Variants in NOS2 observed in about 807,000 individuals in gnomAD.
NOS2 encodes nitric oxide synthase 2, also known as nitric oxide synthase, inducible.
Under a neutral mutation model 136.0 loss-of-function variants are expected in NOS2, and 96 were observed. The ratio of observed to expected loss-of-function variants is 0.71; its 90% CI spans 0.60 to 0.84. The LOEUF is 0.84. Ranked by LOEUF, NOS2 falls within the 40% of genes least tolerant of loss-of-function variation. The probability of loss-of-function intolerance (pLI) is 0.00; values close to 1 mark genes in which losing one functional copy is unlikely to be tolerated. For missense variants in NOS2, 1,237 were observed against 1,496.9 expected (o/e 0.83, Z 2.87); for synonymous variants, 539 against 587.5 (o/e 0.92, Z 1.20).
In NOS2 at chr17:27,780,739, T is replaced by C. The variant is rs201444987; in HGVS notation, c.1004+28A>G. ...AGAAGGGCTGTGTGTTGACTCGCCC[T>C]TGCCCCCAGCACCCTCAGCCTACTT... On this transcript the variant is annotated intron_variant, in intron 9 of 26. Transcript: ENST00000313735. The C allele has an allele frequency of 1.9e-6, 3 of 1,614,160 alleles. No homozygotes were observed. In the East Asian group the frequency reaches 6.7e-5, roughly 36 times the overall value.
chr17:27,795,343 C>T (rs2142530535), intron 2 of NOS2, among the ~76,000 whole-genome samples: 1 of 152,344 alleles, frequency 6.6e-6, no homozygotes, highest in South Asian at 2.1e-4. Context: ...TCCAGTAAGT[C>T]ACTCAATCTT....
intron 20 of NOS2, among the ~76,000 whole-genome samples, 174 bp downstream of exon 20, chr17:27,765,348 GGCCAGGGGGCCAT>G (rs1305828809): frequency 6.6e-6 from 1 of 152,240 alleles, no homozygotes; most frequent in South Asian, 2.1e-4. Flanking sequence ...GGGAAACTAA[GGCCAGGGGGCCAT>G]GCCTTATGGG....
intron 11 of NOS2, among the ~76,000 whole-genome samples, chr17:27,775,366 G>C (rs906183799): frequency 2.0e-5 from 3 of 152,164 alleles, no homozygotes; most frequent in Admixed American, 2.0e-4. Flanking sequence ...GGGAGGGCGA[G>C]ACGGGGAGAT....
intron 22 of NOS2, among the ~76,000 whole-genome samples, chr17:27,762,103 C>G (rs1908150309): frequency 6.6e-6 from 1 of 152,152 alleles, no homozygotes; most frequent in Non-Finnish European, 1.5e-5. Context: ...CCGAGACCAC[C>G]TGGACGAGAT....
chr17:27,788,639 C>G (rs1223161682), intron 4 of NOS2, among the ~76,000 whole-genome samples, 170 bp downstream of exon 4: 4 of 152,188 alleles, frequency 2.6e-5, no homozygotes, highest in African/African-American at 9.6e-5. Context: ...AGGGAGTTGG[C>G]ATCATTTACT....
intron 15 of NOS2, 89 bp from the exon 16 acceptor site, chr17:27,769,673 G>A: frequency 8.9e-7 from 1 of 1,129,900 alleles, no homozygotes; most frequent in South Asian, 1.3e-5. Flanking sequence ...GCCACAGCTT[G>A]CAGGAGAAGG....
intron 18 of NOS2, 118 bp from the exon 19 acceptor site, chr17:27,766,706 G>A (rs950349648): frequency 1.3e-6 from 1 of 767,894 alleles, no homozygotes; most frequent in African/African-American, 1.7e-5. Context: ...TCCTGCTGAG[G>A]TGGCCGTTGG....
chr17:27,779,177 A>C (rs1242659688), intron 9 of NOS2, 121 bp from the exon 10 acceptor site: 1 of 684,120 alleles, frequency 1.5e-6, no homozygotes, highest in Non-Finnish European at 2.1e-6. Context: ...CAGTGGCACA[A>C]TCATAACTCA....
In NOS2 at chr17:27,773,165, C is replaced by T; in HGVS notation, c.1555G>A (p.Val519Ile). ...GCCACTGCCACTGCCACTCACTTGA[C>T]CAAGACTTTCAATGGAATCTCTCTT... ...KRREIPLKVLVKAVLFACMLM... is the reference protein window; with the variant it reads ...KRREIPLKVLIKAVLFACMLM... The change falls in exon 13 of 27, where the codon GTC becomes ATC. Residue 519 changes from valine (V) to isoleucine (I), a missense_variant. By Grantham distance (29) the Val-to-Ile change is conservative (BLOSUM62 3). Around this residue, in one of 3 missense-constraint regions of NOS2, gnomAD observed 782 missense variants for 909.9 expected, o/e 0.86. Coordinates refer to ENST00000313735, the MANE Select transcript of NOS2 (RefSeq NM_000625.4). 2 of 1,613,840 alleles carry T rather than the reference C, an allele frequency of 1.2e-6. No individual in the cohort carries two copies. The highest frequency in any genetic ancestry group is 1.7e-6 in the Non-Finnish European group (2 of 1,179,686).
intron 9 of NOS2, among the ~76,000 whole-genome samples, 168 bp from the exon 10 acceptor site, chr17:27,779,224 T>G (rs1908762712): frequency 6.6e-6 from 1 of 151,604 alleles, no homozygotes; most frequent in Non-Finnish European, 1.5e-5. Context: ...GCGATCCTCC[T>G]GCCTCAGCCT....
At chr17:27,769,229 G>T in intron 16 of NOS2, 78 bp from the exon 17 acceptor site, 1 of 1,404,432 alleles carries the variant, frequency 7.1e-7, no homozygotes, top group South Asian at 1.4e-5. Flanking sequence ...CAACAGCCTG[G>T]AGAGCCAGCC....
Position 27,787,698 on chromosome 17 carries a change from T to C in NOS2, c.447A>G (p.Gln149=), listed in dbSNP as rs1909061247. ...LLPQAIEFVN[Q]YYGSFKEAKI... ...CTTACTCTTTGAAGGAGCCGTAATA[T>C]TGGTTGACAAATTCGATAGCTTGAG... Residue 149 remains glutamine, a synonymous_variant, in exon 5 of 27, where the codon CAA becomes CAG. Transcript: ENST00000313735. 6 of 1,613,210 alleles carry C rather than the reference T, an allele frequency of 3.7e-6. No homozygotes were observed. The highest frequency in any genetic ancestry group is 5.1e-6 in the Non-Finnish European group (6 of 1,179,712).
Position 27,780,784 on chromosome 17 carries a change from C to G in NOS2, c.987G>C (p.Val329=). 6.2e-7 allele frequency: 1 copy of G among 1,614,220 alleles called. No individual in the cohort carries two copies. The highest frequency in any genetic ancestry group is 8.5e-7 in the Non-Finnish European group (1 of 1,180,044). The change falls in exon 9 of 27, where the codon GTG becomes GTC. Residue 329 remains valine, a synonymous_variant. Coordinates refer to ENST00000313735, the MANE Select transcript of NOS2 (RefSeq NM_000625.4). ...FEIPPDLVLE[V]AMEHPKYEWF... is the part of the protein sequence containing the mutation. Reference sequence around the variant, plus strand: ...CTACTTACTTGGGATGTTCCATGGCCACCTCAAGCACAAGGTCAGGTGGGA... The same window carrying G: ...CTACTTACTTGGGATGTTCCATGGCGACCTCAAGCACAAGGTCAGGTGGGA...
chr17:27,757,470 A>G lies in NOS2; in HGVS notation c.3355-117T>C, dbSNP rs533519900. On this transcript the variant is annotated intron_variant, in intron 26 of 26. Transcript: ENST00000313735. ...AGCCATCTGTCTTCCCAACTGTTAT[A>G]CTTAGATTGTGCTTGAATCTGGTTT... 5.0e-6 allele frequency: 4 copies of G among 802,842 alleles called. No homozygotes were observed. In the South Asian group the frequency reaches 6.6e-5, roughly 13 times the overall value. The allele number at this position is 802,842 out of a possible 1,614,324, so 49.7% of individuals were successfully genotyped here.
intron 2 of NOS2, chr17:27,793,598 G>T (rs1909260468): frequency 2.5e-6 from 1 of 397,426 alleles, no homozygotes; most frequent in Admixed American, 4.4e-5. Context: ...CTGGCTCTGC[G>T]CGGGCAGCAG....
intron 24 of NOS2, 143 bp downstream of exon 24, chr17:27,760,480 C>T: frequency 8.9e-7 from 1 of 1,124,726 alleles, no homozygotes; most frequent in Non-Finnish European, 1.3e-6. Flanking sequence ...GCCATTCTAA[C>T]CCGCAGAGGC....
In NOS2 at chr17:27,791,772, A is replaced by AAAAAC. The variant is rs918064019; in HGVS notation, c.111-2089_111-2085dup. Among the ~76,000 whole-genome samples the AAAAAC allele has an allele frequency of 1.6e-3, 229 of 141,610 alleles. 6 individuals are homozygous for AAAAAC. Among genetic ancestry groups the AAAAAC allele is most frequent in the South Asian group, 3.1e-3 (14 of 4,450 alleles). 92.9% of individuals were successfully genotyped at this position (141,610 alleles called of 152,430 possible). On this transcript the variant is annotated intron_variant, in intron 2 of 26. Transcript: ENST00000313735. ...TCTAGACTGGTGTGGCCTGCCAGAA[A>AAAAAC]AAAACAAAACAAAACAAAACAAAAC...
At chr17:27,799,823 G>A (rs1567645541) in intron 1 of NOS2, among the ~76,000 whole-genome samples, 1 of 151,836 alleles carries the variant, frequency 6.6e-6, no homozygotes, top group Non-Finnish European at 1.5e-5. Flanking sequence ...GAAGGGAAGG[G>A]AGGGGAAGGG....
At position 27,767,573 on chromosome 17, in the gene NOS2, T is replaced by C. The variant is rs748428314; in HGVS notation, c.2167+132A>G. 8 of 1,056,550 alleles carry C rather than the reference T, an allele frequency of 7.6e-6. No individual in the cohort carries two copies. In the Admixed American group the frequency reaches 1.1e-4, roughly 14 times the overall value. 65.4% of individuals were successfully genotyped at this position (1,056,550 alleles called of 1,614,324 possible). A position where few individuals can be genotyped will look rare whatever the true frequency, so the allele number is the denominator to read the frequency against. ...TTGAGTATTATGCCCTAACAGGCTC[T>C]TGCATGCAGTGAGAGGGAGGCCCCG... On this transcript the variant is annotated intron_variant, in intron 18 of 26. Coordinates refer to ENST00000313735, the MANE Select transcript of NOS2 (RefSeq NM_000625.4).
Sources: allele counts gnomAD v4.1 joint callset (sites outside exome capture counted in the v4.1 genomes callset), GRCh38; gene constraint gnomAD v4.1.1; regional missense constraint gnomAD v4.1.1; transcripts MANE v1.5; gene names NCBI Gene and HGNC (gene_info 2026-07-23, HGNC 2026-07-21).